MIB1: variants seen among roughly 807,000 people sequenced by gnomAD.
The protein encoded by MIB1 is MIB E3 ubiquitin protein ligase 1, also known as E3 ubiquitin-protein ligase MIB1.
A neutral mutation model predicts 124.5 loss-of-function variants in MIB1; 278 were observed. The ratio of observed to expected loss-of-function variants is 2.23; its 90% confidence interval spans 2.02 to 2.47. MIB1 has a LOEUF of 2.47. MIB1 is among the 30% of genes most tolerant of loss of function. The probability of loss-of-function intolerance (pLI) is 0.00; values close to 1 mark genes in which losing one functional copy is unlikely to be tolerated. For synonymous variants in MIB1, 446 were observed against 429.4 expected (o/e 1.04, Z -0.48); for missense variants, 957 against 1,254.4 (o/e 0.76, Z 3.58).
At chr18:21,749,409 T>G (rs1353088512) in intron 1 of MIB1, among the ~76,000 whole-genome samples, 1 of 152,190 alleles carries the variant, frequency 6.6e-6, no homozygotes, top group African/African-American at 2.4e-5. Flanking sequence ...TATAGTGTTT[T>G]CTTTTTTGTC....
rs141143722 is a variant in MIB1, at chr18:21,803,440, T to C, written c.1372-467T>C. ...ACTACCTTGCTAACTTATTTATATATCCTTATTTATTGTCCTTGCAGTTTG... is the reference window on the plus strand; with the variant it reads ...ACTACCTTGCTAACTTATTTATATACCCTTATTTATTGTCCTTGCAGTTTG... On this transcript the variant is annotated intron_variant, in intron 9 of 20. Transcript: ENST00000261537. Among the ~76,000 whole-genome samples, 225 of 152,346 alleles carry C rather than the reference T, an allele frequency of 1.5e-3. 1 individual carries two copies. Among genetic ancestry groups the C allele is most frequent in the African/African-American group, 5.2e-3 (217 of 41,578 alleles).
At chr18:21,864,057 A>T (rs2042299512) in intron 20 of MIB1, among the ~76,000 whole-genome samples, 1 of 152,084 alleles carries the variant, frequency 6.6e-6, no homozygotes, top group Admixed American at 6.6e-5. Flanking sequence ...GCAGGAATAG[A>T]AGTTCTCACT....
intron 3 of MIB1, among the ~76,000 whole-genome samples, chr18:21,770,405 T>C (rs1036598419): frequency 2.0e-5 from 3 of 152,204 alleles, no homozygotes; most frequent in African/African-American, 7.2e-5. Context: ...ACATCCCTTT[T>C]TCCCCTTCAG....
At chr18:21,857,323 A>G (rs928835169) in intron 19 of MIB1, 80 bp downstream of exon 19, 7 of 825,554 alleles carry the variant, frequency 8.5e-6, no homozygotes, top group Middle Eastern at 2.2e-4. Context: ...TTCGTAATAC[A>G]CTACTGCCTT....
At position 21,741,582 on chromosome 18, in the gene MIB1, C is replaced by T. The variant is rs756613836; in HGVS notation, c.-2C>T. ...GCGGCGGAGCCCACCGCCCGGGCCC[C>T]GATGAGTAACTCCCGGAATAACCGG... On this transcript the variant is annotated 5_prime_UTR_variant, in exon 1 of 21. Coordinates refer to ENST00000261537, the MANE Select transcript of MIB1 (RefSeq NM_020774.4). This position sits in a 1 kb window ranked among gnomAD's most constrained non-coding sequence, Gnocchi z 5.4. The T allele has an allele frequency of 4.0e-6, 6 of 1,492,142 alleles. No homozygotes were observed. The highest frequency in any genetic ancestry group is 1.4e-5 in the African/African-American group (1 of 69,716). 92.4% of individuals were successfully genotyped at this position (1,492,142 alleles called of 1,614,324 possible).
At chr18:21,834,852 G>A (rs2042012349) in intron 12 of MIB1, among the ~76,000 whole-genome samples, 1 of 152,174 alleles carries the variant, frequency 6.6e-6, no homozygotes, top group Admixed American at 6.5e-5. Flanking sequence ...CTCAGGTGTG[G>A]ACTTTGGTTA....
intron 7 of MIB1, chr18:21,793,746 C>T (rs1939974262): frequency 8.5e-6 from 1 of 117,300 alleles, no homozygotes; most frequent in South Asian, 2.9e-4. Flanking sequence ...ACACTTATTG[C>T]ACTCCAGCCT....
At chr18:21,780,791 T>C (rs2041352297) in intron 6 of MIB1, among the ~76,000 whole-genome samples, 1 of 152,188 alleles carries the variant, frequency 6.6e-6, no homozygotes, top group African/African-American at 2.4e-5. Context: ...ACACTTAGGT[T>C]GATTTCATGT....
intron 13 of MIB1, among the ~76,000 whole-genome samples, chr18:21,841,406 A>G (rs939949854): frequency 1.3e-5 from 2 of 152,184 alleles, no homozygotes; most frequent in Non-Finnish European, 1.5e-5. Flanking sequence ...AAATAACTCT[A>G]TAAAAATGGT....
intron 1 of MIB1, among the ~76,000 whole-genome samples, chr18:21,729,448 A>C (rs1410611914): frequency 6.6e-6 from 1 of 152,138 alleles, no homozygotes; most frequent in Non-Finnish European, 1.5e-5. Flanking sequence ...GTGTTCTTAC[A>C]TGGTAGACGA....
intron 11 of MIB1, among the ~76,000 whole-genome samples, chr18:21,819,068 C>T (rs987820604): frequency 3.3e-5 from 5 of 152,176 alleles, no homozygotes; most frequent in Non-Finnish European, 7.3e-5. Flanking sequence ...GATAGAGTCT[C>T]GCTCTGTCAC....
chr18:21,760,015 A>G (rs1011916982), intron 1 of MIB1, among the ~76,000 whole-genome samples: 1 of 152,210 alleles, frequency 6.6e-6, no homozygotes, highest in Non-Finnish European at 1.5e-5. Flanking sequence ...GCAGATGGTC[A>G]TTTGAGTATT....
chr18:21,755,161 G>A (rs962950383), intron 1 of MIB1, among the ~76,000 whole-genome samples: 3 of 152,090 alleles, frequency 2.0e-5, no homozygotes, highest in Non-Finnish European at 4.4e-5. Context: ...CATAGTTACA[G>A]CAATTTAACC....
chr18:21,776,443 C>T (rs1410418045), intron 4 of MIB1, among the ~76,000 whole-genome samples: 1 of 152,114 alleles, frequency 6.6e-6, no homozygotes, highest in Non-Finnish European at 1.5e-5. Context: ...TAGAGGAGCT[C>T]CTTTCCTTGA....
At chr18:21,809,006 G>C (rs1188368805) in intron 10 of MIB1, among the ~76,000 whole-genome samples, 2 of 152,006 alleles carry the variant, frequency 1.3e-5, no homozygotes, top group Middle Eastern at 3.2e-3. Context: ...GACTTTGTCA[G>C]ATAACCCAAA....
intron 7 of MIB1, among the ~76,000 whole-genome samples, chr18:21,795,353 A>C (rs1272235220): frequency 7.0e-6 from 1 of 142,444 alleles, no homozygotes; most frequent in Non-Finnish European, 1.5e-5. Flanking sequence ...ATAATATATA[A>C]ATAATACATA....
At chr18:21,807,523 A>G (rs1177883716) in intron 10 of MIB1, among the ~76,000 whole-genome samples, 1 of 152,198 alleles carries the variant, frequency 6.6e-6, no homozygotes, top group Non-Finnish European at 1.5e-5. Flanking sequence ...TTAAACAACT[A>G]TATAGTTTGT....
intron 4 of MIB1, among the ~76,000 whole-genome samples, chr18:21,777,497 T>C (rs946418393): frequency 1.3e-4 from 20 of 152,190 alleles, no homozygotes; most frequent in African/African-American, 4.8e-4. Context: ...ACTATTATAA[T>C]TATTTATTAA....
chr18:21,789,792 A>G (rs2041481425), intron 6 of MIB1, among the ~76,000 whole-genome samples: 1 of 152,146 alleles, frequency 6.6e-6, no homozygotes, highest in South Asian at 2.1e-4. Context: ...AAAGCAAACA[A>G]AGAACAGTTT....
Sources: allele counts gnomAD v4.1 joint callset (sites outside exome capture counted in the v4.1 genomes callset), GRCh38; gene constraint gnomAD v4.1.1; non-coding constraint Gnocchi (gnomAD v3.1); transcripts MANE v1.5; gene names NCBI Gene and HGNC (gene_info 2026-07-23, HGNC 2026-07-21).